Variants in CACHD1 observed in about 807,000 individuals in gnomAD.
CACHD1 encodes cache domain containing 1.
In CACHD1, 71 loss-of-function variants were observed where a neutral mutation model predicts 138.7. The ratio of observed to expected loss-of-function variants is 0.51; its 90% CI spans 0.42 to 0.62. The LOEUF (loss-of-function observed/expected upper bound fraction) is 0.62, where lower values mean the gene tolerates loss of function less well. Among genes scored for constraint, CACHD1 ranks in the 20% least tolerant of loss-of-function variants. The pLI, the probability that CACHD1 is intolerant of heterozygous loss-of-function variation, is 0.00. For synonymous variants in CACHD1, 578 were observed against 591.5 expected, an observed-to-expected ratio of 0.98 and a Z score of 0.33; for missense variants, 1,389 against 1,625.3, an observed-to-expected ratio of 0.85 and a Z score of 2.50.
chr1:64,506,741 C>T (rs1483888367), intron 1 of CACHD1, among the ~76,000 whole-genome samples: 2 of 152,154 alleles, frequency 1.3e-5, no homozygotes, highest in Admixed American at 1.3e-4. Context: ...CCGTTACTTA[C>T]TGTGTTTAGA....
At chr1:64,481,638 A>G (rs1220826651) in intron 1 of CACHD1, among the ~76,000 whole-genome samples, 2 of 152,154 alleles carry the variant, frequency 1.3e-5, no homozygotes, top group East Asian at 3.9e-4. Context: ...AGGAAGGAGG[A>G]ATTATTAGCA....
At chr1:64,676,553 C>G (rs1649999327) in intron 21 of CACHD1, among the ~76,000 whole-genome samples, 1 of 152,188 alleles carries the variant, frequency 6.6e-6, no homozygotes. Context: ...ACTGCAACCT[C>G]TACCTCCAAA....
intron 1 of CACHD1, among the ~76,000 whole-genome samples, chr1:64,503,211 AT>A (rs1196906071): frequency 1.3e-5 from 2 of 152,202 alleles, no homozygotes; most frequent in African/African-American, 4.8e-5. Context: ...GAGTTTTTTA[AT>A]GTGAAAAATA....
chr1:64,523,724 T>C (rs1355814997), intron 1 of CACHD1, among the ~76,000 whole-genome samples: 2 of 152,240 alleles, frequency 1.3e-5, no homozygotes, highest in Non-Finnish European at 2.9e-5. Context: ...TTTGTACTTT[T>C]TAAAATGTAA....
intron 26 of CACHD1, among the ~76,000 whole-genome samples, chr1:64,689,136 C>T (rs889765350): frequency 1.3e-5 from 2 of 152,188 alleles, no homozygotes; most frequent in Non-Finnish European, 2.9e-5. Flanking sequence ...CATCCAAGTA[C>T]TAACCAGGCC....
chr1:64,634,850 G>T (rs553201564), intron 7 of CACHD1, among the ~76,000 whole-genome samples: 1 of 151,876 alleles, frequency 6.6e-6, no homozygotes, highest in African/African-American at 2.4e-5. Context: ...AAAAAAATTA[G>T]GCAGGCATGG....
intron 1 of CACHD1, among the ~76,000 whole-genome samples, chr1:64,491,864 T>G (rs1356896825): frequency 6.6e-6 from 1 of 152,150 alleles, no homozygotes; most frequent in Non-Finnish European, 1.5e-5. Context: ...CAAGCAGTCC[T>G]CCTACCTCAG....
intron 7 of CACHD1, among the ~76,000 whole-genome samples, chr1:64,636,319 G>A (rs1557531535): frequency 6.6e-6 from 1 of 152,148 alleles, no homozygotes; most frequent in Non-Finnish European, 1.5e-5. Context: ...ATGGTACATG[G>A]TGTGTTAGTT....
At chr1:64,567,531 T>C (rs1302696854) in intron 2 of CACHD1, among the ~76,000 whole-genome samples, 1 of 152,182 alleles carries the variant, frequency 6.6e-6, no homozygotes, top group African/African-American at 2.4e-5. Context: ...AACCCTCTGA[T>C]ACAAATACAG....
intron 4 of CACHD1, among the ~76,000 whole-genome samples, chr1:64,608,512 A>AGACTCAC (rs1647409421): frequency 6.6e-6 from 1 of 152,216 alleles, no homozygotes; most frequent in Admixed American, 6.6e-5. Context: ...AGCTGGAAGC[A>AGACTCAC]GACTCACATA....
chr1:64,656,362 T>C (rs1266372162), intron 12 of CACHD1, among the ~76,000 whole-genome samples: 4 of 152,218 alleles, frequency 2.6e-5, no homozygotes, highest in Non-Finnish European at 2.9e-5. Flanking sequence ...TCTGCCCTTA[T>C]ATTTATATCA....
chr1:64,678,830 C>CA (rs1450469937), intron 23 of CACHD1, among the ~76,000 whole-genome samples: 1 of 152,170 alleles, frequency 6.6e-6, no homozygotes, highest in Non-Finnish European at 1.5e-5. Flanking sequence ...CCCCTGGGAT[C>CA]AGTCTCCAAG....
At chr1:64,534,200 T>C (rs1312610734) in intron 1 of CACHD1, among the ~76,000 whole-genome samples, 3 of 152,052 alleles carry the variant, frequency 2.0e-5, no homozygotes, top group African/African-American at 7.2e-5. Context: ...TGCACCATCA[T>C]GCCCAGCTAA....
chr1:64,507,586 G>A (rs1419706900), intron 1 of CACHD1, among the ~76,000 whole-genome samples: 3 of 152,352 alleles, frequency 2.0e-5, no homozygotes, highest in Non-Finnish European at 4.4e-5. Context: ...AGGAAAATGG[G>A]AGAACTGGAG....
At chr1:64,684,342 T>A (rs567853261) in intron 26 of CACHD1, among the ~76,000 whole-genome samples, 104 of 150,076 alleles carry the variant, frequency 6.9e-4, no homozygotes, top group Admixed American at 1.5e-3. Context: ...ATTTTCTTTG[T>A]TTTTTCTTCT....
chr1:64,575,020 A>G (rs1296541664), intron 2 of CACHD1, among the ~76,000 whole-genome samples: 1 of 152,176 alleles, frequency 6.6e-6, no homozygotes. Context: ...TTATCCTTTT[A>G]CTTCTAGCTC....
intron 3 of CACHD1, among the ~76,000 whole-genome samples, chr1:64,602,486 T>TTTTG (rs10692536): frequency 1.3e-5 from 2 of 150,294 alleles, no homozygotes; most frequent in East Asian, 1.9e-4. Flanking sequence ...TTTTTTTTTT[T>TTTTG]GTAGCTCTAT....
chr1:64,511,769 A>G (rs305582), intron 1 of CACHD1, among the ~76,000 whole-genome samples: 145,978 of 152,316 alleles, frequency 0.96, 69,981 homozygotes, highest in African/African-American at 0.99. Flanking sequence ...GGAAAGCTAG[A>G]CAGCAAAGTG....
chr1:64,473,446 C>G (rs916958105), intron 1 of CACHD1, among the ~76,000 whole-genome samples: 3 of 151,986 alleles, frequency 2.0e-5, no homozygotes, highest in African/African-American at 7.3e-5. Context: ...GTTTAGTTAC[C>G]TAAAGTGTAG....
Sources: allele counts gnomAD v4.1 joint callset (sites outside exome capture counted in the v4.1 genomes callset), GRCh38; gene constraint gnomAD v4.1.1; transcripts MANE v1.5; gene names NCBI Gene and HGNC (gene_info 2026-07-23, HGNC 2026-07-21).